NTRK2: variants seen among roughly 807,000 people sequenced by gnomAD.
NTRK2 encodes the protein BDNF/NT-3 growth factors receptor.
A neutral mutation model predicts 94.5 loss-of-function variants in NTRK2; 13 were observed. The ratio of observed to expected loss-of-function variants is 0.14; its 90% CI spans 0.09 to 0.22. NTRK2 has a LOEUF of 0.22. Among genes scored for constraint, NTRK2 ranks in the 10% least tolerant of loss-of-function variants. The pLI, the probability that NTRK2 is intolerant of heterozygous loss-of-function variation, is 1.00. For synonymous variants in NTRK2, 372 were observed against 407.4 expected (o/e 0.91, Z 1.05); for missense variants, 639 against 1,071.2 (o/e 0.60, Z 5.63).
intron 2 of NTRK2, among the ~76,000 whole-genome samples, chr9:84,682,107 G>C (rs1399929785): frequency 6.6e-6 from 1 of 152,168 alleles, no homozygotes; most frequent in Non-Finnish European, 1.5e-5. Context: ...TGTAGAACTT[G>C]AAGTACTTTG....
intron 12 of NTRK2, among the ~76,000 whole-genome samples, chr9:84,754,232 C>CATATT (rs2064883022): frequency 6.6e-6 from 1 of 152,106 alleles, no homozygotes; most frequent in African/African-American, 2.4e-5. Context: ...AACTACTATA[C>CATATT]ATATTGTATG....
intron 14 of NTRK2, among the ~76,000 whole-genome samples, chr9:84,880,501 C>G (rs371118645): frequency 9.8e-5 from 15 of 152,330 alleles, no homozygotes; most frequent in African/African-American, 3.6e-4. Flanking sequence ...ATTCAAAGGT[C>G]CATGTTTCCA....
intron 14 of NTRK2, among the ~76,000 whole-genome samples, chr9:84,933,436 C>G (rs868280929): frequency 1.3e-5 from 2 of 152,166 alleles, no homozygotes; most frequent in Non-Finnish European, 2.9e-5. Context: ...TGACTTGAGC[C>G]GTCGCTGCTC....
intron 15 of NTRK2, among the ~76,000 whole-genome samples, chr9:84,947,574 C>G (rs918072421): frequency 1.3e-5 from 2 of 152,158 alleles, no homozygotes; most frequent in Admixed American, 1.3e-4. Context: ...GCATGGGTTT[C>G]GAGAGGAGTG....
At chr9:84,671,175 A>AT (rs1364154229) in intron 2 of NTRK2, among the ~76,000 whole-genome samples, 1 of 152,204 alleles carries the variant, frequency 6.6e-6, no homozygotes, top group Non-Finnish European at 1.5e-5. Flanking sequence ...AGTTTCAAAT[A>AT]TAGATATACA....
At chr9:84,906,867 A>G (rs2077090032) in intron 14 of NTRK2, among the ~76,000 whole-genome samples, 1 of 152,216 alleles carries the variant, frequency 6.6e-6, no homozygotes, top group Non-Finnish European at 1.5e-5. Context: ...TGTGTGTATC[A>G]ATAGACAACC....
intron 12 of NTRK2, among the ~76,000 whole-genome samples, chr9:84,764,760 C>T (rs554063912): frequency 6.6e-6 from 1 of 152,260 alleles, no homozygotes; most frequent in African/African-American, 2.4e-5. Context: ...ATCCACACTC[C>T]TATGTTTGTT....
At chr9:84,715,938 T>A (rs917507345) in intron 6 of NTRK2, among the ~76,000 whole-genome samples, 13 of 152,212 alleles carry the variant, frequency 8.5e-5, no homozygotes, top group Non-Finnish European at 1.5e-4. Context: ...ATTATTTAAA[T>A]CTTATCTGAG....
At chr9:84,958,476 G>A (rs894708218) in intron 17 of NTRK2, among the ~76,000 whole-genome samples, 9 of 152,174 alleles carry the variant, frequency 5.9e-5, no homozygotes, top group South Asian at 2.1e-4. Context: ...GAAGAATAAC[G>A]ATTCCCAGTT....
chr9:85,008,129 T>G (rs1368497470), intron 17 of NTRK2, among the ~76,000 whole-genome samples: 1 of 151,930 alleles, frequency 6.6e-6, no homozygotes, highest in African/African-American at 2.4e-5. Flanking sequence ...TGTCTTGTTT[T>G]CAACCTGTTA....
At chr9:84,772,795 T>C (rs2066683754) in intron 12 of NTRK2, among the ~76,000 whole-genome samples, 1 of 152,112 alleles carries the variant, frequency 6.6e-6, no homozygotes, top group Non-Finnish European at 1.5e-5. Flanking sequence ...GGAGGCAGTG[T>C]TACTTACTGA....
chr9:84,849,911 A>G (rs1250900459), intron 12 of NTRK2, among the ~76,000 whole-genome samples: 1 of 152,194 alleles, frequency 6.6e-6, no homozygotes, highest in Non-Finnish European at 1.5e-5. Flanking sequence ...GCCCTGCTTG[A>G]TGCTGTTGTA....
chr9:84,718,726 T>C (rs1279787468), intron 6 of NTRK2, among the ~76,000 whole-genome samples: 2 of 152,282 alleles, frequency 1.3e-5, no homozygotes, highest in East Asian at 3.9e-4. Flanking sequence ...TTGTGCTGAT[T>C]TCAAATCTTG....
intron 2 of NTRK2, among the ~76,000 whole-genome samples, chr9:84,689,772 C>T (rs1469446153): frequency 1.3e-5 from 2 of 152,186 alleles, no homozygotes; most frequent in African/African-American, 4.8e-5. Flanking sequence ...ACCCTTCAAA[C>T]CATGACCCCC....
At chr9:84,984,975 T>C (rs990075294) in intron 17 of NTRK2, among the ~76,000 whole-genome samples, 1 of 152,226 alleles carries the variant, frequency 6.6e-6, no homozygotes, top group Non-Finnish European at 1.5e-5. Context: ...GCTATTATTA[T>C]AGACTATGAG....
At chr9:84,897,748 C>T (rs1168591346) in intron 14 of NTRK2, among the ~76,000 whole-genome samples, 2 of 152,210 alleles carry the variant, frequency 1.3e-5, no homozygotes, top group East Asian at 3.9e-4. Context: ...GCTGCTCTGC[C>T]TGGTCGTGCA....
At chr9:84,908,907 A>C (rs1370814136) in intron 14 of NTRK2, among the ~76,000 whole-genome samples, 1 of 152,198 alleles carries the variant, frequency 6.6e-6, no homozygotes, top group Non-Finnish European at 1.5e-5. Context: ...TATTGTAAGA[A>C]ATAACACAAA....
intron 12 of NTRK2, among the ~76,000 whole-genome samples, chr9:84,776,639 G>A (rs931090182): frequency 2.3e-4 from 35 of 152,280 alleles, no homozygotes; most frequent in African/African-American, 7.7e-4. Context: ...GAGATTTTGG[G>A]GTCAGAGACA....
At chr9:84,874,613 C>T (rs780800158) in intron 14 of NTRK2, 17 of 1,061,630 alleles carry the variant, frequency 1.6e-5, no homozygotes, top group Non-Finnish European at 1.9e-5. Flanking sequence ...CTCTAACCCA[C>T]GGCCAGGAAG....
Sources: gnomAD v4.1 joint callset for allele counts (sites outside exome capture counted in the v4.1 genomes callset) on GRCh38, gnomAD v4.1.1 for gene constraint, MANE v1.5 for transcripts, NCBI Gene and HGNC (gene_info 2026-07-23, HGNC 2026-07-21) for gene names.